Variants in GRIPAP1 observed in about 807,000 individuals in gnomAD.
GRIPAP1 encodes GRIP1-associated protein 1.
GRIPAP1 carries 14 observed loss-of-function variants against 84.1 expected under a neutral mutation model. The observed-to-expected ratio is 0.17, with a 90% CI of 0.11 to 0.26. The LOEUF is 0.26. Ranked by LOEUF, GRIPAP1 falls within the 10% of genes least tolerant of loss-of-function variation. The pLI is 1.00. For synonymous variants in GRIPAP1, 261 were observed against 256.8 expected (o/e 1.02, Z -0.15); for missense variants, 518 against 674.2 (o/e 0.77, Z 2.57).
rs782277823 is a variant in GRIPAP1 at position 48,984,045 on chromosome X, C to T, written c.1177-175G>A. ...TAGTTGCTCCCCAGTATTCATTCTT[C>T]CTTACTTCCCTAGCAATAAAATTTA... On this transcript the variant is annotated intron_variant, in intron 14 of 25. Coordinates refer to ENST00000376423, the MANE Select transcript of GRIPAP1 (RefSeq NM_020137.5). Among the ~76,000 whole-genome samples, 6 of 112,000 alleles carry T rather than the reference C, an allele frequency of 5.4e-5. No homozygotes were observed. The South Asian group carries it at 1.5e-3, about 28-fold the overall frequency.
chrX:48,977,587 A>T (rs782453353), intron 22 of GRIPAP1: 1 of 111,987 alleles, frequency 8.9e-6, no homozygotes, highest in South Asian at 3.7e-4. Context: ...AGCCTCCCAA[A>T]GTGCTAGGGT....
rs782739620 is a variant in GRIPAP1 at position 48,999,510 on chromosome X, G to A, written c.43-6C>T. ...CGGAGTTCCAGGAGCTGAGCCTTTG[G>A]GGGAGGCAGGAAGGGAAAAGACTTG... is the stretch of plus-strand genomic sequence containing the variant. On this transcript the variant is annotated splice_polypyrimidine_tract_variant and splice_region_variant and intron_variant, in intron 1 of 25. Transcript: ENST00000376423. 2 of 1,188,963 alleles carry A rather than the reference G, an allele frequency of 1.7e-6. No homozygotes were observed. Among genetic ancestry groups the A allele is most frequent in the East Asian group, 3.0e-5 (1 of 33,742 alleles).
At chrX:48,983,512 GC>G in intron 15 of GRIPAP1, 72 bp from the exon 16 acceptor site, 2 of 923,190 alleles carry the variant, frequency 2.2e-6, no homozygotes, top group South Asian at 4.3e-5. Context: ...CTCTTCCCAT[GC>G]CCAAGGAACT....
rs782577552 is a variant in GRIPAP1, at chrX:48,981,458, T to C, written c.1788A>G (p.Thr596=). 5 of 1,209,293 alleles carry C rather than the reference T, an allele frequency of 4.1e-6. No homozygotes were observed. In the Admixed American group the frequency reaches 1.1e-4, roughly 26 times the overall value. ...TCTCCAGGATCCTCTGCCCATCCAC[T>C]GTGTCCTTCACCTCCTGTGGGAGAA... ...ISSLKQEVKD[T]VDGQRILEKK... is the part of the protein sequence containing the mutation. The change falls in exon 20 of 26, where the codon ACA becomes ACG. Residue 596 remains threonine (T), a synonymous_variant. Coordinates refer to ENST00000376423, the MANE Select transcript of GRIPAP1 (RefSeq NM_020137.5).
Position 49,000,038 on chromosome X carries a change from C to T in GRIPAP1, c.43-534G>A, listed in dbSNP as rs148035541. Among the ~76,000 whole-genome samples, 47 of 110,342 alleles carry T rather than the reference C, an allele frequency of 4.3e-4. No individual in the cohort carries two copies. In the East Asian group the frequency reaches 0.013, roughly 31 times the overall value. On this transcript the variant is annotated intron_variant, in intron 1 of 25. Coordinates refer to ENST00000376423, the MANE Select transcript of GRIPAP1 (RefSeq NM_020137.5). ...GGGCTTTCCAGGGTCCCCCCACCTC[C>T]AAGGCTCTCAAAATACATCCAGGCC...
At chrX:48,999,598 C>A (rs1481625221) in intron 1 of GRIPAP1, 94 bp from the exon 2 acceptor site, 1 of 580,749 alleles carries the variant, frequency 1.7e-6, no homozygotes, top group Non-Finnish European at 2.9e-6. Flanking sequence ...ACAGACCTTA[C>A]GCCCTCCATG....
chrX:48,978,779 A>G (rs1313072613), intron 21 of GRIPAP1, among the ~76,000 whole-genome samples: 1 of 109,374 alleles, frequency 9.1e-6, no homozygotes, highest in Non-Finnish European at 1.9e-5. Flanking sequence ...CTGTAATTCC[A>G]GCGATTCAGG....
chrX:48,990,966 T>C lies in GRIPAP1; in HGVS notation c.602A>G (p.Glu201Gly). The C allele has an allele frequency of 8.5e-7, 1 of 1,177,028 alleles. No homozygotes were observed. The highest frequency in any genetic ancestry group is 1.1e-6 in the Non-Finnish European group (1 of 878,990). Residue 201 changes from glutamate to glycine, a missense_variant, in exon 7 of 26, where the codon GAG becomes GGG. Transcript: ENST00000376423. ...EVELKWEMEK[E>G]EKRLLWEQLQ... is the part of the protein sequence containing the mutation. ...CTGTTCCCAGAGCAATCTCTTCTCC[T>C]CTTTCTCCATTTCCCATTTCAGCTC...
At chrX:48,977,241 G>C (rs1015332335) in intron 22 of GRIPAP1, 3 of 110,725 alleles carry the variant, frequency 2.7e-5, no homozygotes, top group Non-Finnish European at 3.8e-5. Context: ...GGAAGGTAGA[G>C]ACAACAGTTG....
Position 48,976,119 on chromosome X carries a change from A to G in GRIPAP1, c.2185-8T>C. Reference sequence around the variant, plus strand: ...CACTTCCAGGTGCTTCACCTGCAAGATGGCCCAGCCCACCTGAGACCCCTC... The same window carrying G: ...CACTTCCAGGTGCTTCACCTGCAAGGTGGCCCAGCCCACCTGAGACCCCTC... On this transcript the variant is annotated splice_polypyrimidine_tract_variant and splice_region_variant and intron_variant, in intron 23 of 25. Transcript: ENST00000376423. The G allele has an allele frequency of 8.3e-7, 1 of 1,209,638 alleles. No homozygotes were observed. Among genetic ancestry groups the G allele is most frequent in the Non-Finnish European group, 1.1e-6 (1 of 893,808 alleles).
chrX:48,978,104 AAGTC>A, intron 22 of GRIPAP1, 197 bp downstream of exon 22: 1 of 397,531 alleles, frequency 2.5e-6, no homozygotes, highest in Non-Finnish European at 4.5e-6. Flanking sequence ...ATTAAACAGA[AAGTC>A]AGAGAGAGAG....
chrX:48,995,077 G>A (rs1461183898), intron 5 of GRIPAP1, among the ~76,000 whole-genome samples: 4 of 112,239 alleles, frequency 3.6e-5, no homozygotes, highest in Non-Finnish European at 7.5e-5. Flanking sequence ...CATGTGGTGG[G>A]TACTCAGTAA....
chrX:48,979,180 CAG>C (rs1192691328), intron 21 of GRIPAP1, among the ~76,000 whole-genome samples: 1 of 109,847 alleles, frequency 9.1e-6, no homozygotes, highest in Admixed American at 9.7e-5. Flanking sequence ...AGAGCAGAGA[CAG>C]AGAGAAAAAA....
chrX:48,980,489 A>T (rs2064449583), intron 21 of GRIPAP1, among the ~76,000 whole-genome samples: 1 of 110,573 alleles, frequency 9.0e-6, no homozygotes, highest in Non-Finnish European at 1.9e-5. Flanking sequence ...GAGGTGTGGG[A>T]GTGTGTAATG....
intron 25 of GRIPAP1, among the ~76,000 whole-genome samples, 192 bp from the exon 26 acceptor site, chrX:48,974,477 G>A (rs1437208111): frequency 8.9e-6 from 1 of 112,026 alleles, no homozygotes; most frequent in Non-Finnish European, 1.9e-5. Flanking sequence ...GAAAAGTCAT[G>A]AGGATGGGTG....
chrX:48,987,145 GC>G (rs2064493783), intron 13 of GRIPAP1, among the ~76,000 whole-genome samples: 1 of 88,742 alleles, frequency 1.1e-5, no homozygotes, highest in African/African-American at 4.3e-5. Flanking sequence ...ACCATGCCCG[GC>G]TTTTTTTTTT....
intron 24 of GRIPAP1, 142 bp from the exon 25 acceptor site, chrX:48,975,451 T>A: frequency 1.9e-6 from 1 of 527,064 alleles, no homozygotes; most frequent in African/African-American, 2.4e-5. Flanking sequence ...GGCTTTGACA[T>A]ACAAAACCTA....
intron 4 of GRIPAP1, 38 bp from the exon 5 acceptor site, chrX:48,997,395 CA>C: frequency 1.3e-6 from 1 of 775,509 alleles, no homozygotes; most frequent in Non-Finnish European, 1.9e-6. Flanking sequence ...CCAGCAAGGG[CA>C]AAAAGGATAG....
At chrX:48,979,305 G>A (rs1265266866) in intron 21 of GRIPAP1, among the ~76,000 whole-genome samples, 4 of 106,072 alleles carry the variant, frequency 3.8e-5, no homozygotes, top group East Asian at 6.1e-4. Flanking sequence ...GTGAAACCCC[G>A]TCTCTACTAA....
Sources: gnomAD v4.1 joint callset for allele counts (sites outside exome capture counted in the v4.1 genomes callset) on GRCh38, gnomAD v4.1.1 for gene constraint, MANE v1.5 for transcripts, NCBI Gene and HGNC (gene_info 2026-07-23, HGNC 2026-07-21) for gene names.